ARHGAP20: variants seen among roughly 807,000 people sequenced by gnomAD.
The protein encoded by ARHGAP20 is rho GTPase-activating protein 20.
In ARHGAP20, 34 loss-of-function variants were observed where a neutral mutation model predicts 73.7. The observed-to-expected ratio is 0.46, with a 90% confidence interval of 0.35 to 0.61. ARHGAP20 has a LOEUF of 0.61. Ranked by LOEUF, ARHGAP20 falls within the 20% of genes least tolerant of loss-of-function variation. ARHGAP20 has a pLI of 0.00. For missense variants in ARHGAP20, 1,314 were observed against 1,420.9 expected (o/e 0.92, Z 1.21); for synonymous variants, 523 against 518.2 (o/e 1.01, Z -0.13).
At chr11:110,669,117 A>C (rs78915440) in intron 2 of ARHGAP20, among the ~76,000 whole-genome samples, 4,388 of 152,244 alleles carry the variant, frequency 0.029, 190 homozygotes, top group African/African-American at 0.094. Flanking sequence ...GATAAATTGG[A>C]CTTCATTAAA....
At chr11:110,604,913 C>T (rs577173285) in intron 9 of ARHGAP20, among the ~76,000 whole-genome samples, 7 of 152,256 alleles carry the variant, frequency 4.6e-5, no homozygotes, top group African/African-American at 1.7e-4. Flanking sequence ...AGACAGTTGA[C>T]TCAAGTAGTT....
rs149811882 is a variant in ARHGAP20, at chr11:110,633,819, T to G, written c.189-3027A>C. On this transcript the variant is annotated intron_variant, in intron 2 of 14. Coordinates refer to ENST00000683387, the MANE Select transcript of ARHGAP20 (RefSeq NM_001384657.1). ...GTTTCAAATGTACTGAGTCTGAAAT[T>G]ATCAGTGGGCTAGGTGGTATGGCAA... 2.4e-3 allele frequency among the ~76,000 whole-genome samples: 360 copies of G among 152,152 alleles called. 2 individuals carry two copies. The highest frequency in any genetic ancestry group is 5.3e-3 in the Admixed American group (81 of 15,264).
At chr11:110,662,525 G>A (rs1949637758) in intron 2 of ARHGAP20, among the ~76,000 whole-genome samples, 2 of 151,814 alleles carry the variant, frequency 1.3e-5, no homozygotes, top group African/African-American at 2.4e-5. Flanking sequence ...TATTGGTAGT[G>A]GTAGTGTTGA....
intron 7 of ARHGAP20, among the ~76,000 whole-genome samples, chr11:110,611,020 A>T (rs913554845): frequency 6.6e-6 from 1 of 152,056 alleles, no homozygotes; most frequent in Non-Finnish European, 1.5e-5. Flanking sequence ...TACCAAAAAA[A>T]TTTTTGTATA....
At chr11:110,624,806 CAGTT>C (rs551712485) in intron 3 of ARHGAP20, among the ~76,000 whole-genome samples, 3 of 152,182 alleles carry the variant, frequency 2.0e-5, no homozygotes, top group South Asian at 2.1e-4. Context: ...ATTGGTGAAA[CAGTT>C]AGTCCTCATG....
chr11:110,611,413 C>A, intron 6 of ARHGAP20, 27 bp from the exon 7 acceptor site: 1 of 1,191,258 alleles, frequency 8.4e-7, no homozygotes, highest in Non-Finnish European at 1.2e-6. Context: ...AGAAATATAG[C>A]TATAAAATAA....
chr11:110,605,409 G>T (rs1053400581), intron 9 of ARHGAP20, among the ~76,000 whole-genome samples: 1 of 152,168 alleles, frequency 6.6e-6, no homozygotes, highest in African/African-American at 2.4e-5. Flanking sequence ...TGATGCAGTT[G>T]TTTCAGAAAC....
intron 4 of ARHGAP20, among the ~76,000 whole-genome samples, chr11:110,621,825 A>G (rs1017821083): frequency 3.9e-5 from 6 of 152,158 alleles, no homozygotes; most frequent in Admixed American, 3.9e-4. Flanking sequence ...GACATTACAA[A>G]TGTTTTGTTT....
At chr11:110,607,272 T>A (rs1420676939) in intron 8 of ARHGAP20, among the ~76,000 whole-genome samples, 1 of 152,198 alleles carries the variant, frequency 6.6e-6, no homozygotes, top group Non-Finnish European at 1.5e-5. Flanking sequence ...TTTTTATTAG[T>A]TACACAGTTA....
chr11:110,630,804 C>G lies in ARHGAP20; in HGVS notation c.189-12G>C. The G allele has an allele frequency of 6.2e-7, 1 of 1,609,270 alleles. No individual in the cohort carries two copies. The highest frequency in any genetic ancestry group is 2.2e-5 in the East Asian group (1 of 44,804). On this transcript the variant is annotated splice_polypyrimidine_tract_variant and intron_variant, in intron 2 of 14. Coordinates refer to ENST00000683387, the MANE Select transcript of ARHGAP20 (RefSeq NM_001384657.1). Reference sequence around the variant, plus strand: ...CAGAAGGACTGTCCCTGTAACAGATCAAATGCCACAGATCAGTCAAACGAT... The same window carrying G: ...CAGAAGGACTGTCCCTGTAACAGATGAAATGCCACAGATCAGTCAAACGAT...
chr11:110,585,851 T>A (rs974152579), intron 12 of ARHGAP20, among the ~76,000 whole-genome samples: 2 of 152,158 alleles, frequency 1.3e-5, no homozygotes, highest in African/African-American at 4.8e-5. Context: ...CTGAGTTCCA[T>A]GAGAAGACAG....
intron 2 of ARHGAP20, among the ~76,000 whole-genome samples, chr11:110,654,652 G>C (rs12281695): frequency 0.018 from 2,776 of 152,224 alleles, 88 homozygotes; most frequent in African/African-American, 0.064. Flanking sequence ...AGCATGTATT[G>C]CATCTGTGTT....
chr11:110,635,505 G>A (rs1948948015), intron 2 of ARHGAP20, among the ~76,000 whole-genome samples: 1 of 152,042 alleles, frequency 6.6e-6, no homozygotes, highest in African/African-American at 2.4e-5. Flanking sequence ...GTAAGTATAA[G>A]TAGTTTATAG....
intron 7 of ARHGAP20, 119 bp downstream of exon 7, chr11:110,611,190 T>A: frequency 1.8e-6 from 1 of 568,388 alleles, no homozygotes; most frequent in East Asian, 3.4e-5. Context: ...TTTTGGGGAA[T>A]AAAATATGAC....
chr11:110,698,858 A>T (rs911885797), intron 1 of ARHGAP20, among the ~76,000 whole-genome samples: 23 of 151,868 alleles, frequency 1.5e-4, no homozygotes, highest in Admixed American at 2.0e-4. Flanking sequence ...AACCTTTCAA[A>T]TAACCAACTT....
At chr11:110,610,421 A>T (rs1407996985) in intron 7 of ARHGAP20, among the ~76,000 whole-genome samples, 2 of 152,130 alleles carry the variant, frequency 1.3e-5, no homozygotes, top group East Asian at 3.8e-4. Flanking sequence ...ATTCTACAAT[A>T]TTATTAATTG....
chr11:110,704,620 A>T (rs1950519555), intron 1 of ARHGAP20, among the ~76,000 whole-genome samples: 1 of 152,212 alleles, frequency 6.6e-6, no homozygotes, highest in Admixed American at 6.5e-5. Flanking sequence ...GACCGAAGGC[A>T]ATCATCTCTG....
At chr11:110,696,844 T>C (rs12282080) in intron 1 of ARHGAP20, among the ~76,000 whole-genome samples, 2,512 of 151,886 alleles carry the variant, frequency 0.017, 66 homozygotes, top group African/African-American at 0.056. Context: ...TGTTCTGAGT[T>C]AGTTCATTTA....
At chr11:110,618,712 A>G (rs539862031) in intron 4 of ARHGAP20, among the ~76,000 whole-genome samples, 5 of 150,332 alleles carry the variant, frequency 3.3e-5, no homozygotes, top group South Asian at 2.1e-4. Flanking sequence ...GTGATAGAGT[A>G]TATGCAGTGA....
Sources: allele counts gnomAD v4.1 joint callset (sites outside exome capture counted in the v4.1 genomes callset), GRCh38; gene constraint gnomAD v4.1.1; transcripts MANE v1.5; gene names NCBI Gene and HGNC (gene_info 2026-07-23, HGNC 2026-07-21).